Variants in NR3C2 observed in about 807,000 individuals in gnomAD.
The protein encoded by NR3C2 is mineralocorticoid receptor.
NR3C2 carries 15 observed loss-of-function variants against 86.4 expected under a neutral mutation model. That is an observed-to-expected ratio of 0.17 (90% CI 0.12 to 0.27). The LOEUF (loss-of-function observed/expected upper bound fraction) is 0.27, where lower values mean the gene tolerates loss of function less well. Among genes scored for constraint, NR3C2 ranks in the 10% least tolerant of loss-of-function variants. NR3C2 has a pLI of 1.00. For missense variants in NR3C2, 960 were observed against 1,195.6 expected (o/e 0.80, Z 2.91); for synonymous variants, 458 against 450.5 (o/e 1.02, Z -0.21).
chr4:148,087,742 A>C (rs1248187471), intron 8 of NR3C2, among the ~76,000 whole-genome samples: 1 of 152,208 alleles, frequency 6.6e-6, no homozygotes, highest in Non-Finnish European at 1.5e-5. Context: ...TAAACATAAG[A>C]CCTAAAACCA....
At chr4:148,429,648 A>G (rs954924272) in intron 2 of NR3C2, among the ~76,000 whole-genome samples, 14 of 152,232 alleles carry the variant, frequency 9.2e-5, no homozygotes, top group Non-Finnish European at 1.8e-4. Flanking sequence ...GGAACAAAAT[A>G]AAACTCTTAA....
At chr4:148,188,665 A>AT (rs1163162984) in intron 4 of NR3C2, among the ~76,000 whole-genome samples, 18 of 152,244 alleles carry the variant, frequency 1.2e-4, no homozygotes, top group Admixed American at 2.6e-4. Context: ...GTCAACGATC[A>AT]TATCATCAGC....
chr4:148,128,360 G>C (rs181291347), intron 6 of NR3C2, among the ~76,000 whole-genome samples: 29 of 152,312 alleles, frequency 1.9e-4, no homozygotes, highest in African/African-American at 7.0e-4. Flanking sequence ...TCTAGAAGTA[G>C]TTGATTTGAG....
At chr4:148,304,328 CTTTTTTT>C (rs35633620) in intron 2 of NR3C2, among the ~76,000 whole-genome samples, 8 of 83,860 alleles carry the variant, frequency 9.5e-5, no homozygotes, top group South Asian at 5.5e-4. Context: ...GTTGTTGTTG[CTTTTTTT>C]TTTTTTTTTT....
intron 2 of NR3C2, among the ~76,000 whole-genome samples, chr4:148,282,603 G>A (rs900622546): frequency 1.3e-5 from 2 of 152,116 alleles, no homozygotes; most frequent in Non-Finnish European, 2.9e-5. Flanking sequence ...AGTCTCCAAC[G>A]AGAAAGAGCA....
In NR3C2 at chr4:148,435,398, CCGCTGCCTT is replaced by C. The variant is rs760520283; in HGVS notation, c.1454_1462del (p.Glu485_Ser487del). 4.3e-5 allele frequency: 70 copies of C among 1,614,084 alleles called. No individual in the cohort carries two copies. Among genetic ancestry groups the C allele is most frequent in the Admixed American group, 1.2e-4 (7 of 60,012 alleles). The stretch of plus-strand genomic sequence containing the variant: ...TTCTTGTTTAATACCCACTGGGAAT[CCGCTGCCTT>C]CACAGTTACCATCAAAGCCGGGCAC... On this transcript the variant is annotated inframe_deletion, in exon 2 of 9. Transcript: ENST00000358102.
intron 2 of NR3C2, among the ~76,000 whole-genome samples, chr4:148,374,158 A>T (rs1746559730): frequency 6.6e-6 from 1 of 152,254 alleles, no homozygotes; most frequent in South Asian, 2.1e-4. Context: ...ATAGCCTATC[A>T]TAAAAGAAAA....
intron 3 of NR3C2, among the ~76,000 whole-genome samples, chr4:148,223,650 AGAAGAAACAACCTGAATTG>A (rs1737985205): frequency 6.6e-6 from 1 of 152,224 alleles, no homozygotes; most frequent in Admixed American, 6.5e-5. Context: ...CAAGTGAAAG[AGAAGAAACAACCTGAATTG>A]GAAGAAAGAA....
chr4:148,188,578 T>C (rs1373157585), intron 4 of NR3C2, among the ~76,000 whole-genome samples: 2 of 152,194 alleles, frequency 1.3e-5, no homozygotes, highest in African/African-American at 4.8e-5. Context: ...CTGTACATTA[T>C]TCTTGTATCC....
At chr4:148,181,964 C>T (rs867518798) in intron 4 of NR3C2, among the ~76,000 whole-genome samples, 7 of 152,154 alleles carry the variant, frequency 4.6e-5, no homozygotes, top group Admixed American at 2.0e-4. Flanking sequence ...AAGGAGAGGC[C>T]AGTTTGGGGA....
At chr4:148,309,110 T>C (rs970626379) in intron 2 of NR3C2, among the ~76,000 whole-genome samples, 3 of 152,150 alleles carry the variant, frequency 2.0e-5, no homozygotes, top group Non-Finnish European at 4.4e-5. Context: ...ATTATACGTA[T>C]CAAAACATCA....
intron 2 of NR3C2, among the ~76,000 whole-genome samples, chr4:148,434,347 T>C (rs1749935323): frequency 6.6e-6 from 1 of 152,214 alleles, no homozygotes; most frequent in Non-Finnish European, 1.5e-5. Context: ...TACAACATGC[T>C]ATCTGCAACA....
intron 3 of NR3C2, among the ~76,000 whole-genome samples, chr4:148,204,955 G>A (rs987471508): frequency 2.0e-5 from 3 of 152,180 alleles, no homozygotes; most frequent in Non-Finnish European, 4.4e-5. Context: ...GGTTCTCAGT[G>A]ATCAGATTTT....
Position 148,213,517 on chromosome 4 carries a change from C to T in NR3C2, c.1898-18655G>A, listed in dbSNP as rs72653878. ...TATTTATAGTATTCTGAATTGAATA[C>T]GTTTATCCCATATGAAATTAAAGCT... On this transcript the variant is annotated intron_variant, in intron 3 of 8. Coordinates refer to ENST00000358102, the MANE Select transcript of NR3C2 (RefSeq NM_000901.5). 5.3e-5 allele frequency among the ~76,000 whole-genome samples: 8 copies of T among 152,134 alleles called. No homozygotes were observed. In the East Asian group the frequency reaches 5.8e-4, roughly 11 times the overall value.
chr4:148,328,581 A>T (rs1005433130), intron 2 of NR3C2, among the ~76,000 whole-genome samples: 1 of 152,182 alleles, frequency 6.6e-6, no homozygotes, highest in Non-Finnish European at 1.5e-5. Flanking sequence ...ACCTCTCCTG[A>T]ATAACAGCAA....
At chr4:148,240,162 G>A (rs939941213) in intron 3 of NR3C2, among the ~76,000 whole-genome samples, 1 of 150,442 alleles carries the variant, frequency 6.6e-6, no homozygotes, top group Non-Finnish European at 1.5e-5. Flanking sequence ...AATTTAATCT[G>A]TAATTAAATT....
intron 2 of NR3C2, among the ~76,000 whole-genome samples, chr4:148,297,296 T>C (rs1461855013): frequency 1.3e-5 from 2 of 152,270 alleles, no homozygotes; most frequent in African/African-American, 2.4e-5. Context: ...AAATTGATAT[T>C]GTATTTATCA....
intron 2 of NR3C2, among the ~76,000 whole-genome samples, chr4:148,375,818 C>A (rs61762859): frequency 2.0e-5 from 3 of 152,096 alleles, no homozygotes; most frequent in Non-Finnish European, 2.9e-5. Flanking sequence ...AATTCCAACA[C>A]AAGGGGAAGC....
chr4:148,250,565 G>C (rs1739527742), intron 3 of NR3C2, among the ~76,000 whole-genome samples: 1 of 152,272 alleles, frequency 6.6e-6, no homozygotes, highest in Admixed American at 6.5e-5. Context: ...AAATGCCGTG[G>C]ACATCTGGCT....
Sources: gnomAD v4.1 joint callset for allele counts (sites outside exome capture counted in the v4.1 genomes callset) on GRCh38, gnomAD v4.1.1 for gene constraint, MANE v1.5 for transcripts, NCBI Gene and HGNC (gene_info 2026-07-23, HGNC 2026-07-21) for gene names.